ANKRD30B: variants seen among roughly 807,000 people sequenced by gnomAD.
ANKRD30B encodes the protein ankyrin repeat domain-containing protein 30B.
A neutral mutation model predicts 202.2 loss-of-function variants in ANKRD30B; 144 were observed. That is an observed-to-expected ratio of 0.71 (90% CI 0.62 to 0.82). The LOEUF (loss-of-function observed/expected upper bound fraction) is 0.82. Ranked by LOEUF, ANKRD30B falls within the 40% of genes least tolerant of loss-of-function variation. The probability of loss-of-function intolerance (pLI) is 0.00; values close to 1 mark genes in which losing one functional copy is unlikely to be tolerated. For missense variants in ANKRD30B, 1,487 were observed against 1,669.1 expected (o/e 0.89, Z 1.90); for synonymous variants, 508 against 561.3 (o/e 0.91, Z 1.34).
chr18:14,847,050 TTATATATATATATATATATA>T (rs56871571), intron 39 of ANKRD30B, among the ~76,000 whole-genome samples: 33 of 111,126 alleles, frequency 3.0e-4, no homozygotes, highest in African/African-American at 7.7e-4. Context: ...TGATTTAGTT[TTATATATATATATATATATA>T]TATATATATA....
chr18:14,753,858 G>A (rs188828207), intron 3 of ANKRD30B, among the ~76,000 whole-genome samples: 1 of 152,100 alleles, frequency 6.6e-6, no homozygotes, highest in African/African-American at 2.4e-5. Context: ...CTTCTGTTAT[G>A]CTAATCCACA....
rs536707119 is a variant in ANKRD30B at position 14,849,385 on chromosome 18, A to T, written c.3395+456A>T. Among the ~76,000 whole-genome samples the T allele has an allele frequency of 2.6e-5, 4 of 151,876 alleles. No homozygotes were observed. The East Asian group carries it at 7.7e-4, about 29-fold the overall frequency. On this transcript the variant is annotated intron_variant, in intron 40 of 43. Coordinates refer to ENST00000690538, the MANE Select transcript of ANKRD30B (RefSeq NM_001367607.2). ...CTCAAGAAAATTTATATTCATTTAC[A>T]GTTCAACAAAGACAGTGTGAAACGG...
At chr18:14,849,908 A>G (rs1971811636) in intron 40 of ANKRD30B, among the ~76,000 whole-genome samples, 1 of 151,632 alleles carries the variant, frequency 6.6e-6, no homozygotes, top group South Asian at 2.1e-4. Flanking sequence ...TGATATTTTT[A>G]AAAAATAATT....
At chr18:14,841,776 A>G (rs1971428884) in intron 37 of ANKRD30B, among the ~76,000 whole-genome samples, 1 of 152,196 alleles carries the variant, frequency 6.6e-6, no homozygotes, top group African/African-American at 2.4e-5. Context: ...TGCATTTACA[A>G]TATTTGCACT....
chr18:14,868,790 A>G, the ANKRD30B span, among the ~76,000 whole-genome samples: 1 of 152,292 alleles, frequency 6.6e-6, no homozygotes, highest in Middle Eastern at 3.2e-3. Flanking sequence ...CCACAGGGGC[A>G]GAGGCTTCTC....
chr18:14,833,743 CTG>C (rs1437238312), intron 34 of ANKRD30B, among the ~76,000 whole-genome samples: 3 of 152,090 alleles, frequency 2.0e-5, no homozygotes, highest in Non-Finnish European at 4.4e-5. Context: ...TAACAAAAGT[CTG>C]TATTATTTGT....
At chr18:14,936,690 A>G in the ANKRD30B span, among the ~76,000 whole-genome samples, 1 of 152,196 alleles carries the variant, frequency 6.6e-6, no homozygotes, top group Non-Finnish European at 1.5e-5. Flanking sequence ...GTAGCACTCC[A>G]TTCTTTCCTC....
chr18:14,879,027 C>T, the ANKRD30B span, among the ~76,000 whole-genome samples: 23 of 152,078 alleles, frequency 1.5e-4, no homozygotes, highest in East Asian at 3.9e-4. Flanking sequence ...GCAGGCAGGC[C>T]GGGGGCACCG....
chr18:14,886,870 A>G, the ANKRD30B span, among the ~76,000 whole-genome samples: 1 of 152,102 alleles, frequency 6.6e-6, no homozygotes, highest in Non-Finnish European at 1.5e-5. Flanking sequence ...GATAGTTCAG[A>G]ATACCATTCA....
At chr18:14,852,971 C>A (rs1438050660) in intron 42 of ANKRD30B, among the ~76,000 whole-genome samples, 1 of 152,050 alleles carries the variant, frequency 6.6e-6, no homozygotes, top group Non-Finnish European at 1.5e-5. Flanking sequence ...TTGACTTAAT[C>A]TGAACATATT....
the ANKRD30B span, among the ~76,000 whole-genome samples, chr18:14,884,319 A>G: frequency 2.1e-3 from 321 of 151,948 alleles, 4 homozygotes; most frequent in African/African-American, 7.5e-3. Context: ...TCTGAGTTGA[A>G]TATTGAGATA....
At chr18:14,759,369 C>T (rs532088036) in intron 5 of ANKRD30B, 1 of 152,136 alleles carries the variant, frequency 6.6e-6, no homozygotes, top group Non-Finnish European at 1.5e-5. Context: ...GGGTGACTCC[C>T]AGGATTGCAC....
the ANKRD30B span, among the ~76,000 whole-genome samples, chr18:14,867,991 A>G: frequency 6.6e-6 from 1 of 152,234 alleles, no homozygotes; most frequent in Admixed American, 6.5e-5. Flanking sequence ...GAGCCTGAAT[A>G]TGGCACAGCT....
chr18:14,771,440 T>G (rs1247823361), intron 8 of ANKRD30B, among the ~76,000 whole-genome samples: 2 of 152,212 alleles, frequency 1.3e-5, no homozygotes, highest in Non-Finnish European at 2.9e-5. Context: ...TATGTAGACC[T>G]GAACAAGGAA....
At chr18:14,903,069 C>T in the ANKRD30B span, among the ~76,000 whole-genome samples, 4 of 152,178 alleles carry the variant, frequency 2.6e-5, no homozygotes, top group Non-Finnish European at 4.4e-5. Context: ...TGCACTCCTT[C>T]TGGAGGCTCT....
chr18:14,826,693 T>TCTCTCTCACA (rs762792279), intron 32 of ANKRD30B, among the ~76,000 whole-genome samples: 37 of 125,040 alleles, frequency 3.0e-4, no homozygotes, highest in African/African-American at 8.4e-4. Context: ...TCTCTCTCTC[T>TCTCTCTCACA]CACACACACA....
chr18:14,893,401 A>T, the ANKRD30B span, among the ~76,000 whole-genome samples: 1 of 152,200 alleles, frequency 6.6e-6, no homozygotes, highest in Non-Finnish European at 1.5e-5. Context: ...ACCTGAGGTC[A>T]GGAGTTCAAG....
chr18:14,885,820 C>A, the ANKRD30B span, among the ~76,000 whole-genome samples: 1 of 151,840 alleles, frequency 6.6e-6, no homozygotes, highest in Non-Finnish European at 1.5e-5. Flanking sequence ...TGGCTTATGT[C>A]AAAATGTTTT....
intron 32 of ANKRD30B, among the ~76,000 whole-genome samples, chr18:14,824,174 G>C (rs1476125382): frequency 7.1e-5 from 10 of 140,178 alleles, no homozygotes; most frequent in Non-Finnish European, 1.6e-4. Flanking sequence ...TTGATTTCAG[G>C]CTTCATAGTT....
Sources: gnomAD v4.1 joint callset for allele counts (sites outside exome capture counted in the v4.1 genomes callset) on GRCh38, gnomAD v4.1.1 for gene constraint, MANE v1.5 for transcripts, NCBI Gene and HGNC (gene_info 2026-07-23, HGNC 2026-07-21) for gene names.